DYSF: variants seen among roughly 807,000 people sequenced by gnomAD.
DYSF encodes the protein dysferlin.
DYSF carries 212 observed loss-of-function variants against 274.9 expected under a neutral mutation model. That is an observed-to-expected ratio of 0.77 (90% CI 0.69 to 0.86). The LOEUF (loss-of-function observed/expected upper bound fraction) is 0.86. Among genes scored for constraint, DYSF ranks in the 40% least tolerant of loss-of-function variants. DYSF has a pLI of 0.00. For synonymous variants in DYSF, 1,091 were observed against 1,078.7 expected, an observed-to-expected ratio of 1.01 and a Z score of -0.22; for missense variants, 2,666 against 2,783.2, an observed-to-expected ratio of 0.96 and a Z score of 0.95.
intron 41 of DYSF, among the ~76,000 whole-genome samples, chr2:71,641,323 C>T (rs372330758): frequency 1.7e-3 from 259 of 151,460 alleles, no homozygotes; most frequent in Non-Finnish European, 2.7e-3. Flanking sequence ...GGACTACAGG[C>T]GCCCGCCACC....
At chr2:71,609,866 T>G (rs1450532103) in intron 36 of DYSF, among the ~76,000 whole-genome samples, 1 of 152,228 alleles carries the variant, frequency 6.6e-6, no homozygotes, top group Non-Finnish European at 1.5e-5. Context: ...TCTGTATGGA[T>G]GTACCATCCT....
chr2:71,653,170 G>C (rs906842145), intron 42 of DYSF, among the ~76,000 whole-genome samples: 14 of 152,190 alleles, frequency 9.2e-5, no homozygotes, highest in Non-Finnish European at 1.9e-4. Flanking sequence ...ACAGGTGCTG[G>C]AGAGAATGTG....
In DYSF at chr2:71,614,911, T is replaced by C. The variant is rs146495188; in HGVS notation, c.4464+1501T>C. ...GAAATTTAGCTAAACTCAGTGCTAG[T>C]GCCTCTGGGCTGCTTGGGTGTTTAT... On this transcript the variant is annotated intron_variant, in intron 40 of 55. Coordinates refer to ENST00000410020, the MANE Select transcript of DYSF (RefSeq NM_001130987.2). 3.0e-4 allele frequency among the ~76,000 whole-genome samples: 45 copies of C among 152,302 alleles called. 1 individual carries two copies. The East Asian group carries it at 8.5e-3, about 29-fold the overall frequency.
chr2:71,462,736 C>T (rs985258036), upstream of DYSF, among the ~76,000 whole-genome samples: 21 of 152,318 alleles, frequency 1.4e-4, no homozygotes, highest in Middle Eastern at 3.4e-3. Flanking sequence ...AGAGAGGAGA[C>T]CCACATAGGG....
At chr2:71,512,352 A>T (rs1373284720) in intron 5 of DYSF, among the ~76,000 whole-genome samples, 1 of 152,242 alleles carries the variant, frequency 6.6e-6, no homozygotes, top group Non-Finnish European at 1.5e-5. Flanking sequence ...GGTGTGTGAC[A>T]AAAGAACTAG....
intron 24 of DYSF, among the ~76,000 whole-genome samples, chr2:71,566,355 A>C (rs1266958612): frequency 1.5e-5 from 2 of 130,550 alleles, no homozygotes; most frequent in Admixed American, 7.4e-5. Flanking sequence ...GTTTCAAGCA[A>C]AAAAAAAAAA....
At chr2:71,673,933 A>G (rs903755616) in intron 51 of DYSF, among the ~76,000 whole-genome samples, 13 of 152,134 alleles carry the variant, frequency 8.5e-5, no homozygotes, top group African/African-American at 3.1e-4. Flanking sequence ...GTAAAATGGG[A>G]GTGATAACCT....
chr2:71,639,185 T>C (rs369339648), intron 41 of DYSF, among the ~76,000 whole-genome samples: 1 of 152,354 alleles, frequency 6.6e-6, no homozygotes, highest in African/African-American at 2.4e-5. Flanking sequence ...ATTTGTCTTT[T>C]TATCATTGAG....
chr2:71,483,129 T>A (rs1573418528), intron 3 of DYSF, among the ~76,000 whole-genome samples: 2 of 151,778 alleles, frequency 1.3e-5, no homozygotes, highest in Non-Finnish European at 2.9e-5. Flanking sequence ...TGGCCATGGG[T>A]GCATGGTGTG....
intron 36 of DYSF, 189 bp from the exon 37 acceptor site, chr2:71,611,056 A>G: frequency 1.6e-6 from 1 of 640,306 alleles, no homozygotes; most frequent in Non-Finnish European, 2.9e-6. Context: ...GATCCTGGAG[A>G]AGATGATGCC....
chr2:71,635,053 C>T (rs986009128), intron 41 of DYSF, among the ~76,000 whole-genome samples: 2 of 152,176 alleles, frequency 1.3e-5, no homozygotes, highest in African/African-American at 2.4e-5. Flanking sequence ...CAATCAACTG[C>T]CCCACAGCCA....
intron 13 of DYSF, among the ~76,000 whole-genome samples, chr2:71,526,566 C>G (rs1307809443): frequency 6.6e-6 from 1 of 152,256 alleles, no homozygotes; most frequent in Non-Finnish European, 1.5e-5. Context: ...CCAATGTCCT[C>G]TGGGCCTGGT....
In DYSF at chr2:71,664,577, A is replaced by G. The variant is rs111725622; in HGVS notation, c.5174+139A>G. On this transcript the variant is annotated intron_variant, in intron 46 of 55. Coordinates refer to ENST00000410020, the MANE Select transcript of DYSF (RefSeq NM_001130987.2). ...CCTAGGCATTCTCTCATTGAGTCCA[A>G]TGGGAGTCCTATCCCCACTCCACAG... 199 of 993,896 alleles carry G rather than the reference A, an allele frequency of 2.0e-4. 2 individuals carry two copies. The highest frequency in any genetic ancestry group is 1.3e-3 in the Admixed American group (63 of 49,632). The allele number at this position is 993,896 out of a possible 1,614,324, so 61.6% of individuals were successfully genotyped here. A position where few individuals can be genotyped will look rare whatever the true frequency, so the allele number is the denominator to read the frequency against.
At chr2:71,677,241 T>C (rs775482483) in intron 52 of DYSF, among the ~76,000 whole-genome samples, 17 of 152,178 alleles carry the variant, frequency 1.1e-4, no homozygotes, top group Non-Finnish European at 1.5e-4. Flanking sequence ...GAAAGAAAAC[T>C]AGAAAAAGAG....
chr2:71,494,558 C>T (rs542776853), intron 3 of DYSF, among the ~76,000 whole-genome samples: 3 of 152,276 alleles, frequency 2.0e-5, no homozygotes, highest in African/African-American at 7.2e-5. Flanking sequence ...TTTTCATCTC[C>T]AGCACTCCTT....
At chr2:71,587,820 G>C (rs2093123281) in intron 30 of DYSF, among the ~76,000 whole-genome samples, 1 of 152,178 alleles carries the variant, frequency 6.6e-6, no homozygotes, top group Non-Finnish European at 1.5e-5. Flanking sequence ...CTCCCTGTCA[G>C]AAATGAGGAT....
chr2:71,462,565 TG>T (rs2081328555), upstream of DYSF, among the ~76,000 whole-genome samples: 1 of 152,218 alleles, frequency 6.6e-6, no homozygotes, highest in Non-Finnish European at 1.5e-5. Flanking sequence ...CAGTGGGTCC[TG>T]GGTCCTTGTC....
intron 3 of DYSF, among the ~76,000 whole-genome samples, chr2:71,489,473 C>G (rs999422781): frequency 6.6e-6 from 1 of 152,256 alleles, no homozygotes; most frequent in Admixed American, 6.5e-5. Flanking sequence ...AATGGTGTAT[C>G]TTCTTCCTGA....
rs570860273 is a variant in DYSF, at chr2:71,556,047, C to T, written c.2192C>T (p.Thr731Met). The T allele has an allele frequency of 2.3e-5, 36 of 1,576,114 alleles. No individual in the cohort carries two copies. Among genetic ancestry groups the T allele is most frequent in the South Asian group, 1.8e-4 (15 of 85,632 alleles). ...GTGGACTCGCTGGTGGCTCAGCTGACGGATGAGCTCATCGCAGGCTGCAGG... is the reference window on the plus strand; with the variant it reads ...GTGGACTCGCTGGTGGCTCAGCTGATGGATGAGCTCATCGCAGGCTGCAGG... ...EDVDSLVAQLTDELIAGCSQP... is the reference protein window; with the variant it reads ...EDVDSLVAQLMDELIAGCSQP... The change falls in exon 22 of 56, where the codon ACG (threonine) becomes ATG (methionine). Residue 731 changes from threonine to methionine, a missense_variant. By Grantham distance (81) the Thr-to-Met change is moderately conservative (BLOSUM62 -1). Around this residue, in one of 3 missense-constraint regions of DYSF, gnomAD observed 412 missense variants for 504.0 expected, o/e 0.82. Coordinates refer to ENST00000410020, the MANE Select transcript of DYSF (RefSeq NM_001130987.2).
Sources: allele counts gnomAD v4.1 joint callset (sites outside exome capture counted in the v4.1 genomes callset), GRCh38; gene constraint gnomAD v4.1.1; regional missense constraint gnomAD v4.1.1; transcripts MANE v1.5; gene names NCBI Gene and HGNC (gene_info 2026-07-23, HGNC 2026-07-21).